The following ANKRD11 variants were observed in gnomAD, a reference collection of about 807,000 sequenced individuals.
ANKRD11 encodes ankyrin repeat domain 11, also known as ankyrin repeat domain-containing protein 11.
In ANKRD11, 17 loss-of-function variants were observed where a neutral mutation model predicts 195.7. That is an observed-to-expected ratio of 0.09 (90% CI 0.06 to 0.13). ANKRD11 has a LOEUF of 0.13. Among genes scored for constraint, ANKRD11 ranks in the 10% least tolerant of loss-of-function variants. The pLI, the probability that ANKRD11 is intolerant of heterozygous loss-of-function variation, is 1.00. For synonymous variants in ANKRD11, 1,953 were observed against 1,528.1 expected, an observed-to-expected ratio of 1.28 and a Z score of -6.49; for missense variants, 3,735 against 3,566.1, an observed-to-expected ratio of 1.05 and a Z score of -1.21.
chr16:89,477,359 C>CT (rs1298140306), intron 1 of ANKRD11, among the ~76,000 whole-genome samples: 3 of 151,124 alleles, frequency 2.0e-5, no homozygotes, highest in Non-Finnish European at 4.4e-5. Context: ...CGCGTAATTT[C>CT]TTTTTTTTCT....
At chr16:89,392,081 C>T (rs1226670314) in intron 2 of ANKRD11, among the ~76,000 whole-genome samples, 1 of 152,100 alleles carries the variant, frequency 6.6e-6, no homozygotes, top group Admixed American at 6.6e-5. Flanking sequence ...GCTAGCCAAT[C>T]GGGACAAATA....
At chr16:89,439,293 C>T (rs1016127372) in intron 1 of ANKRD11, among the ~76,000 whole-genome samples, 1 of 152,086 alleles carries the variant, frequency 6.6e-6, no homozygotes, top group African/African-American at 2.4e-5. Flanking sequence ...TATATAGGAC[C>T]TCTGAATATG....
intron 3 of ANKRD11, among the ~76,000 whole-genome samples, chr16:89,314,718 C>T (rs1414228814): frequency 6.6e-6 from 1 of 152,180 alleles, no homozygotes; most frequent in Non-Finnish European, 1.5e-5. Context: ...TACTGATCTT[C>T]ATCAGACCAG....
intron 1 of ANKRD11, among the ~76,000 whole-genome samples, chr16:89,439,985 G>A (rs1191678090): frequency 6.6e-6 from 1 of 152,192 alleles, no homozygotes; most frequent in Non-Finnish European, 1.5e-5. Flanking sequence ...CTGAGCCGCA[G>A]CCCACTACCT....
At chr16:89,289,695 C>G (rs1460262926) in intron 6 of ANKRD11, among the ~76,000 whole-genome samples, 1 of 152,190 alleles carries the variant, frequency 6.6e-6, no homozygotes, top group African/African-American at 2.4e-5. Flanking sequence ...CTCCAGGGGC[C>G]TGGAGTGAGG....
intron 3 of ANKRD11, among the ~76,000 whole-genome samples, chr16:89,310,103 T>C (rs2036527384): frequency 6.6e-6 from 1 of 152,260 alleles, no homozygotes; most frequent in Non-Finnish European, 1.5e-5. Context: ...ATCTTTCTGG[T>C]AAGAATGAGA....
At chr16:89,489,657 C>T (rs1319472896) in intron 1 of ANKRD11, among the ~76,000 whole-genome samples, 1 of 151,964 alleles carries the variant, frequency 6.6e-6, no homozygotes, top group Non-Finnish European at 1.5e-5. Flanking sequence ...CGCCCCAGCT[C>T]CGCAGAACCC....
At chr16:89,470,573 C>G (rs551367406) in intron 1 of ANKRD11, among the ~76,000 whole-genome samples, 233 of 152,208 alleles carry the variant, frequency 1.5e-3, no homozygotes, top group Non-Finnish European at 9.9e-4. Context: ...CAGCCAGGTG[C>G]GATGGCTCAC....
chr16:89,470,144 G>GCCC (rs1363368624), intron 1 of ANKRD11, among the ~76,000 whole-genome samples: 1 of 151,880 alleles, frequency 6.6e-6, no homozygotes, highest in Non-Finnish European at 1.5e-5. Context: ...CTGAACTTGT[G>GCCC]ATCTGCCTGC....
rs950693606 is a variant in ANKRD11, at chr16:89,334,317, C to T, written c.-59-17239G>A. Among the ~76,000 whole-genome samples the T allele has an allele frequency of 1.1e-4, 16 of 152,142 alleles. No individual in the cohort carries two copies. The East Asian group carries it at 1.9e-3, about 18-fold the overall frequency. ...ACCCCCAGTGAGTGTACTGCCAATA[C>T]GGCCAAGTTTCTGAAGTTGGTGACA... On this transcript the variant is annotated intron_variant, in intron 2 of 12. Coordinates refer to ENST00000301030, the MANE Select transcript of ANKRD11 (RefSeq NM_013275.6).
chr16:89,332,482 C>T lies in ANKRD11; in HGVS notation c.-59-15404G>A, dbSNP rs2038119171. ...CAGCTCTGGGGAGAAATGACACCTGCAGGCCAAGACAAATGCAAGAAAACA... is the reference window on the plus strand; with the variant it reads ...CAGCTCTGGGGAGAAATGACACCTGTAGGCCAAGACAAATGCAAGAAAACA... On this transcript the variant is annotated intron_variant, in intron 2 of 12. Transcript: ENST00000301030. Among the ~76,000 whole-genome samples, 2 of 152,232 alleles carry T rather than the reference C, an allele frequency of 1.3e-5. 1 individual carries two copies. Among genetic ancestry groups the T allele is most frequent in the East Asian group, 3.8e-4 (2 of 5,200 alleles).
intron 4 of ANKRD11, chr16:89,298,461 G>A (rs1046346457): frequency 1.1e-4 from 16 of 152,326 alleles, no homozygotes; most frequent in African/African-American, 3.9e-4. Context: ...TGGATGAAAG[G>A]GCTGAGAGGC....
chr16:89,342,053 C>T (rs56057403), intron 2 of ANKRD11, among the ~76,000 whole-genome samples: 717 of 38,994 alleles, frequency 0.018, 6 homozygotes, highest in East Asian at 0.045. Context: ...CCACGGCCCA[C>T]GGCGGGAGTG....
chr16:89,384,566 AGGATGGGACGGGAC>A (rs2040812726), intron 2 of ANKRD11, among the ~76,000 whole-genome samples: 2 of 145,898 alleles, frequency 1.4e-5, no homozygotes, highest in Non-Finnish European at 3.0e-5. Flanking sequence ...GGAATGGGAC[AGGATGGGACGGGAC>A]GGGATGGGGC....
At chr16:89,362,042 T>C (rs546138700) in intron 2 of ANKRD11, among the ~76,000 whole-genome samples, 6 of 152,350 alleles carry the variant, frequency 3.9e-5, no homozygotes, top group Non-Finnish European at 7.3e-5. Context: ...AACCCTCAAG[T>C]GCTCCTCAGA....
intron 2 of ANKRD11, among the ~76,000 whole-genome samples, chr16:89,339,097 C>T (rs751980908): frequency 6.6e-6 from 1 of 152,138 alleles, no homozygotes; most frequent in Admixed American, 6.5e-5. Context: ...GATGGGTGAG[C>T]GTTGCACCCC....
intron 2 of ANKRD11, among the ~76,000 whole-genome samples, chr16:89,369,100 C>T (rs1439792948): frequency 6.6e-6 from 1 of 152,138 alleles, no homozygotes; most frequent in Admixed American, 6.5e-5. Context: ...ACATCACTAC[C>T]AAGCTCTGGC....
At chr16:89,478,337 T>C (rs1336165855) in intron 1 of ANKRD11, among the ~76,000 whole-genome samples, 1 of 150,740 alleles carries the variant, frequency 6.6e-6, no homozygotes, top group African/African-American at 2.4e-5. Flanking sequence ...TGGGGTTGGT[T>C]TTTTTTTTAA....
intron 2 of ANKRD11, among the ~76,000 whole-genome samples, chr16:89,383,098 T>C (rs1444989836): frequency 4.6e-5 from 7 of 152,298 alleles, no homozygotes; most frequent in African/African-American, 7.2e-5. Flanking sequence ...CACTGTAATA[T>C]AGGTTTTAAA....
Sources: gnomAD v4.1 joint callset for allele counts (sites outside exome capture counted in the v4.1 genomes callset) on GRCh38, gnomAD v4.1.1 for gene constraint, MANE v1.5 for transcripts, NCBI Gene and HGNC (gene_info 2026-07-23, HGNC 2026-07-21) for gene names.